Variants in TJP2 observed in about 807,000 individuals in gnomAD.
TJP2 encodes tight junction protein 2.
A neutral mutation model predicts 133.1 loss-of-function variants in TJP2; 91 were observed. That is an observed-to-expected ratio of 0.68 (90% CI 0.58 to 0.81). The LOEUF (loss-of-function observed/expected upper bound fraction) is 0.81. Among genes scored for constraint, TJP2 ranks in the 40% least tolerant of loss-of-function variants. TJP2 has a pLI of 0.00. For synonymous variants in TJP2, 592 were observed against 583.4 expected (o/e 1.01, Z -0.21); for missense variants, 1,541 against 1,565.6 (o/e 0.98, Z 0.26).
At chr9:69,151,666 A>G in exon 2 of TJP2, 1 of 1,232,066 alleles carries the variant, frequency 8.1e-7, no homozygotes, top group Non-Finnish European at 1.0e-6. Flanking sequence ...GAAGTACCAC[A>G]TTACTGTCAT....
chr9:69,178,710 G>A (rs571769636), intron 1 of TJP2, among the ~76,000 whole-genome samples: 4 of 152,272 alleles, frequency 2.6e-5, no homozygotes, highest in African/African-American at 4.8e-5. Flanking sequence ...TTGTTTTAAC[G>A]TCTGGCCCAA....
chr9:69,186,840 A>G lies in TJP2; in HGVS notation c.60+12408A>G, dbSNP rs368983946. On this transcript the variant is annotated intron_variant, in intron 1 of 22. Transcript: ENST00000377245. ...TTGTCAAGTGAACTAATATTACACA[A>G]AAGTTAGGGAAAGTTAAGAGAGGCA... Among the ~76,000 whole-genome samples, 37 of 152,352 alleles carry G rather than the reference A, an allele frequency of 2.4e-4. No homozygotes were observed. In the Middle Eastern group the frequency reaches 0.031, roughly 126 times the overall value.
At chr9:69,136,544 G>C (rs978919116) in intron 1 of TJP2, among the ~76,000 whole-genome samples, 1 of 151,998 alleles carries the variant, frequency 6.6e-6, no homozygotes, top group Non-Finnish European at 1.5e-5. Context: ...TTTTTTTTTA[G>C]CTAAAAATAA....
chr9:69,248,283 C>A (rs768278655), intron 19 of TJP2, 59 bp downstream of exon 19: 2 of 1,533,410 alleles, frequency 1.3e-6, no homozygotes, highest in East Asian at 4.9e-5. Flanking sequence ...CTTGCACTCT[C>A]GTGGACAGCT....
chr9:69,133,387 T>C (rs529569236), intron 1 of TJP2, among the ~76,000 whole-genome samples: 18 of 152,238 alleles, frequency 1.2e-4, no homozygotes, highest in Admixed American at 3.9e-4. Context: ...GATAGGTGTG[T>C]ATTCTCCGGA....
chr9:69,161,258 C>T (rs1331688765), intron 2 of TJP2, among the ~76,000 whole-genome samples: 2 of 151,716 alleles, frequency 1.3e-5, no homozygotes, highest in Middle Eastern at 3.4e-3. Flanking sequence ...GATGGAGTTT[C>T]GCTCTTGTTG....
At position 69,143,748 on chromosome 9, in the gene TJP2, C is replaced by T. The variant is rs955887753; in HGVS notation, c.-130-7903C>T. Among the ~76,000 whole-genome samples, 6 of 152,280 alleles carry T rather than the reference C, an allele frequency of 3.9e-5. No homozygotes were observed. In the East Asian group the frequency reaches 1.2e-3, roughly 29 times the overall value. On this transcript the variant is annotated intron_variant, in intron 1 of 5. Coordinates refer to the TJP2 transcript ENST00000423935. The stretch of plus-strand genomic sequence containing the variant: ...TGTTTTTGGAAGAAAACTTAGCCTT[C>T]ATCTATTCAGTCCTCTCATCTTATA...
At chr9:69,150,022 T>C (rs898210072) in intron 1 of TJP2, among the ~76,000 whole-genome samples, 6 of 151,932 alleles carry the variant, frequency 3.9e-5, no homozygotes, top group African/African-American at 1.4e-4. Flanking sequence ...TGGTGGCACG[T>C]GCCTGTAATC....
chr9:69,252,729 A>G, intron 21 of TJP2, 86 bp from the exon 22 acceptor site: 1 of 1,253,224 alleles, frequency 8.0e-7, no homozygotes, highest in South Asian at 1.2e-5. Flanking sequence ...ATATGGGGAA[A>G]GGGTGGGACC....
In TJP2 at chr9:69,221,216, C is replaced by A. The variant is rs778608827; in HGVS notation, c.672C>A (p.Gly224=). ...DRSRGRSLER[G]LDHDFGPSRD... is the part of the protein sequence containing the mutation. ...GCCGTGGCCGGAGCCTGGAGCGGGGCCTGGACCACGACTTTGGGCCATCCC... is the reference window on the plus strand; with the variant it reads ...GCCGTGGCCGGAGCCTGGAGCGGGGACTGGACCACGACTTTGGGCCATCCC... The change falls in exon 5 of 23, where the codon GGC becomes GGA. Residue 224 remains glycine (G), a synonymous_variant. Coordinates refer to ENST00000377245, the MANE Select transcript of TJP2 (RefSeq NM_004817.4). 9 of 1,604,518 alleles carry A rather than the reference C, an allele frequency of 5.6e-6. No homozygotes were observed. Among genetic ancestry groups the A allele is most frequent in the Non-Finnish European group, 7.7e-6 (9 of 1,175,768 alleles).
intron 11 of TJP2, among the ~76,000 whole-genome samples, chr9:69,232,929 CAG>C (rs2133362662): frequency 6.6e-6 from 1 of 152,244 alleles, no homozygotes; most frequent in African/African-American, 2.4e-5. Context: ...CTCTTGTGGC[CAG>C]AGAGATGGAC....
At chr9:69,237,784 AGTTAT>A in intron 14 of TJP2, 89 bp from the exon 15 acceptor site, 2 of 893,426 alleles carry the variant, frequency 2.2e-6, no homozygotes, top group East Asian at 2.5e-5. Flanking sequence ...TCTTTCGTTT[AGTTAT>A]GTTATCAAAA....
In TJP2 at chr9:69,246,474, C is replaced by T. The variant is rs182863688; in HGVS notation, c.2567-216C>T. ...TCTAAAAATCTATTTTTAGCTTTAT[C>T]ACATCCACCTATAATGTGAACTCAA... On this transcript the variant is annotated intron_variant, in intron 17 of 22. Transcript: ENST00000377245. 105 of 545,950 alleles carry T rather than the reference C, an allele frequency of 1.9e-4. 3 individuals are homozygous for T. The Admixed American group carries it at 2.6e-3, about 13-fold the overall frequency. The allele number at this position is 545,950 out of a possible 1,614,324, so 33.8% of individuals were successfully genotyped here. A position where few individuals can be genotyped will look rare whatever the true frequency, so the allele number is the denominator to read the frequency against.
At chr9:69,176,683 A>G (rs1587975624) in intron 1 of TJP2, among the ~76,000 whole-genome samples, 1 of 152,348 alleles carries the variant, frequency 6.6e-6, no homozygotes, top group South Asian at 2.1e-4. Flanking sequence ...ACTTCTGCCT[A>G]CATTTAACTT....
intron 2 of TJP2, chr9:69,151,909 A>T: frequency 2.3e-6 from 2 of 883,410 alleles, no homozygotes; most frequent in Admixed American, 8.6e-5. Flanking sequence ...TTTCATAGAA[A>T]ATTTAATGGT....
Position 69,221,295 on chromosome 9 carries a change from C to T in TJP2, c.751C>T (p.Arg251Ter), listed in dbSNP as rs1327356289. Residue 251 changes from arginine (R) to a stop codon, truncating the protein, a stop_gained, in exon 5 of 23, where the codon CGA becomes TGA. Transcript: ENST00000377245. LOFTEE classifies it high-confidence loss of function. The stretch of plus-strand genomic sequence containing the variant: ...CCGGAGCATTGACCAGGACTACGAG[C>T]GAGCCTATCACCGGGCCTACGACCC... ...RGRSIDQDYERAYHRAYDPDY... is the reference protein window; with the variant it reads ...RGRSIDQDYE 2.5e-6 allele frequency: 4 copies of T among 1,606,924 alleles called. No individual in the cohort carries two copies. Among genetic ancestry groups the T allele is most frequent in the South Asian group, 1.1e-5 (1 of 90,106 alleles).
At chr9:69,233,194 C>G (rs1829918427) in intron 11 of TJP2, among the ~76,000 whole-genome samples, 1 of 152,222 alleles carries the variant, frequency 6.6e-6, no homozygotes, top group Non-Finnish European at 1.5e-5. Context: ...TTTAGCACAT[C>G]ACTTTATTTT....
At chr9:69,178,844 T>C (rs1160006706) in intron 1 of TJP2, among the ~76,000 whole-genome samples, 1 of 152,208 alleles carries the variant, frequency 6.6e-6, no homozygotes, top group Non-Finnish European at 1.5e-5. Context: ...AGGACATCAC[T>C]GTATTATCAA....
chr9:69,196,794 A>G (rs377100147), intron 1 of TJP2, among the ~76,000 whole-genome samples: 4 of 152,130 alleles, frequency 2.6e-5, no homozygotes, highest in African/African-American at 9.6e-5. Context: ...CCAAACTCCC[A>G]TAGTCTTAGG....
Sources: allele counts gnomAD v4.1 joint callset (sites outside exome capture counted in the v4.1 genomes callset), GRCh38; gene constraint gnomAD v4.1.1; transcripts MANE v1.5; gene names NCBI Gene and HGNC (gene_info 2026-07-23, HGNC 2026-07-21).